Variants in ZNF329 observed in about 807,000 individuals in gnomAD.
ZNF329 encodes zinc finger protein 329.
Under a neutral mutation model 26.6 loss-of-function variants are expected in ZNF329, and 15 were observed. The ratio of observed to expected loss-of-function variants is 0.56; its 90% CI spans 0.38 to 0.87. The LOEUF is 0.87. ZNF329 is among the 40% of genes least tolerant of loss of function. The pLI is 0.00. For missense variants in ZNF329, 651 were observed against 651.9 expected (o/e 1.00, Z 0.02); for synonymous variants, 239 against 233.5 (o/e 1.02, Z -0.21).
In ZNF329 at chr19:58,142,674, C is replaced by T. The variant is rs1281050214; in HGVS notation, c.-113-13G>A. On this transcript the variant is annotated splice_polypyrimidine_tract_variant and intron_variant, in intron 2 of 3. Coordinates refer to ENST00000598312, the MANE Select transcript of ZNF329 (RefSeq NM_024620.4). The stretch of plus-strand genomic sequence containing the variant: ...GCTCCAGCCATCTCTGTGGGACACC[C>T]ATAATAATGTTTACTTTACTTGTTC... 1 of 152,636 alleles carries T rather than the reference C, an allele frequency of 6.6e-6. No individual in the cohort carries two copies. The highest frequency in any genetic ancestry group is 1.5e-5 in the Non-Finnish European group (1 of 68,040). The allele number at this position is 152,636 out of a possible 1,614,324, so 9.5% of individuals were successfully genotyped here. A position where few individuals can be genotyped will look rare whatever the true frequency, so the allele number is the denominator to read the frequency against.
chr19:58,154,706 C>G (rs1013879677), upstream of ZNF329: 1 of 150,668 alleles, frequency 6.6e-6, no homozygotes, highest in Non-Finnish European at 1.5e-5. Flanking sequence ...CCCCCCCCCC[C>G]GCCCCAGGCG....
intron 1 of ZNF329, among the ~76,000 whole-genome samples, chr19:58,149,243 T>C (rs1199774331): frequency 6.6e-6 from 1 of 152,212 alleles, no homozygotes; most frequent in Non-Finnish European, 1.5e-5. Flanking sequence ...TAGCATATAA[T>C]CAAGAAATAA....
intron 3 of ZNF329, chr19:58,132,100 G>T (rs1172073112): frequency 6.7e-6 from 1 of 149,930 alleles, no homozygotes; most frequent in Non-Finnish European, 1.5e-5. Context: ...TATCATTCAG[G>T]CAATTCCAAA....
chr19:58,130,311 A>C (rs1419692921), intron 3 of ZNF329, among the ~76,000 whole-genome samples: 1 of 151,972 alleles, frequency 6.6e-6, no homozygotes, highest in Non-Finnish European at 1.5e-5. Flanking sequence ...CGGCAGAGTG[A>C]GACTCCATCT....
At chr19:58,149,029 C>T (rs1233271346) in intron 1 of ZNF329, among the ~76,000 whole-genome samples, 1 of 152,172 alleles carries the variant, frequency 6.6e-6, no homozygotes, top group Non-Finnish European at 1.5e-5. Context: ...AGGAGATTTG[C>T]ACAAGATACA....
At chr19:58,144,148 A>C (rs907906522) in intron 1 of ZNF329, among the ~76,000 whole-genome samples, 1 of 151,978 alleles carries the variant, frequency 6.6e-6, no homozygotes, top group Non-Finnish European at 1.5e-5. Flanking sequence ...GTAGAAAAAA[A>C]TTGTGGGTTT....
intron 1 of ZNF329, among the ~76,000 whole-genome samples, chr19:58,148,376 C>A (rs1376878472): frequency 1.4e-5 from 2 of 143,036 alleles, no homozygotes; most frequent in African/African-American, 2.7e-5. Context: ...CGAGAAACAC[C>A]CAAGAATGAT....
chr19:58,135,683 A>G (rs372961264), intron 3 of ZNF329, among the ~76,000 whole-genome samples: 4 of 152,322 alleles, frequency 2.6e-5, no homozygotes, highest in African/African-American at 9.6e-5. Context: ...AAATCTACGT[A>G]CAAATTAAAA....
chr19:58,152,978 G>A (rs2075484899), upstream of ZNF329, among the ~76,000 whole-genome samples: 1 of 152,178 alleles, frequency 6.6e-6, no homozygotes, highest in Non-Finnish European at 1.5e-5. Context: ...AAGAAGAGAT[G>A]AGTAAAAGTA....
upstream of ZNF329, among the ~76,000 whole-genome samples, chr19:58,154,331 T>C (rs1298228255): frequency 6.6e-6 from 1 of 152,160 alleles, no homozygotes; most frequent in Non-Finnish European, 1.5e-5. Flanking sequence ...ACTCAAGGCC[T>C]TTTGCTGCTG....
At chr19:58,137,317 G>T (rs2075093167) in intron 3 of ZNF329, among the ~76,000 whole-genome samples, 2 of 152,116 alleles carry the variant, frequency 1.3e-5, no homozygotes, top group South Asian at 4.1e-4. Flanking sequence ...ACTTTGGGAG[G>T]CCGAGGCAGG....
intron 1 of ZNF329, among the ~76,000 whole-genome samples, chr19:58,147,023 C>T (rs1251010572): frequency 2.7e-5 from 4 of 149,164 alleles, no homozygotes; most frequent in South Asian, 2.2e-4. Context: ...TCATCTGGGA[C>T]GTGAGGAGCC....
intron 3 of ZNF329, among the ~76,000 whole-genome samples, chr19:58,135,908 T>C (rs1264450117): frequency 6.6e-6 from 1 of 152,064 alleles, no homozygotes; most frequent in Non-Finnish European, 1.5e-5. Context: ...AATTGACAGA[T>C]CAAAGAGAAA....
chr19:58,128,618 A>C lies in ZNF329; in HGVS notation c.886T>G (p.Phe296Val). Reference sequence around the variant, plus strand: ...AAAATTAAGGATGAATTTCGGTTGAAGGTTTTTCCACACTCTAGGCATTCA... The same window carrying C: ...AAAATTAAGGATGAATTTCGGTTGACGGTTTTTCCACACTCTAGGCATTCA... The part of the protein sequence containing the change: ...PYECLECGKT[F>V]NRNSSLILHQ... The change falls in exon 4 of 4, where the codon TTC becomes GTC. Residue 296 changes from phenylalanine (F) to valine (V), a missense_variant. Coordinates refer to ENST00000598312, the MANE Select transcript of ZNF329 (RefSeq NM_024620.4). 3.7e-6 allele frequency: 6 copies of C among 1,609,946 alleles called. No individual in the cohort carries two copies. Among genetic ancestry groups the C allele is most frequent in the Non-Finnish European group, 5.1e-6 (6 of 1,177,766 alleles).
intron 3 of ZNF329, among the ~76,000 whole-genome samples, chr19:58,130,738 G>A (rs2074921806): frequency 6.6e-6 from 1 of 151,986 alleles, no homozygotes; most frequent in Non-Finnish European, 1.5e-5. Context: ...GGGATGAAGG[G>A]CATTCTGTAA....
At chr19:58,137,858 G>A (rs1171325971) in intron 3 of ZNF329, among the ~76,000 whole-genome samples, 1 of 150,832 alleles carries the variant, frequency 6.6e-6, no homozygotes, top group Non-Finnish European at 1.5e-5. Context: ...ATGCACCTGT[G>A]GTCCCAGCTA....
chr19:58,132,009 C>G (rs281061), intron 3 of ZNF329, among the ~76,000 whole-genome samples: 3 of 141,976 alleles, frequency 2.1e-5, no homozygotes, highest in Admixed American at 7.0e-5. Flanking sequence ...GGCAACAGGG[C>G]GAGACTCTGC....
chr19:58,136,734 G>A (rs1465448812), intron 3 of ZNF329: 2 of 151,512 alleles, frequency 1.3e-5, no homozygotes, highest in African/African-American at 4.9e-5. Context: ...GTTACTGTGG[G>A]TCCTGAAGCT....
chr19:58,132,022 C>CAAAAAAAAAAAAAAAAAA (rs11317433), intron 3 of ZNF329, among the ~76,000 whole-genome samples: 1 of 98,986 alleles, frequency 1.0e-5, no homozygotes, highest in Non-Finnish European at 2.1e-5. Flanking sequence ...GACTCTGCCT[C>CAAAAAAAAAAAAAAAAAA]AAAAAAAAAA....
Sources: allele counts gnomAD v4.1 joint callset (sites outside exome capture counted in the v4.1 genomes callset), GRCh38; gene constraint gnomAD v4.1.1; transcripts MANE v1.5; gene names NCBI Gene and HGNC (gene_info 2026-07-23, HGNC 2026-07-21).